TYW1: variants seen among roughly 807,000 people sequenced by gnomAD.
TYW1 encodes the protein tRNA-yW synthesizing protein 1 homolog.
In TYW1, 46 loss-of-function variants were observed where a neutral mutation model predicts 96.2. The ratio of observed to expected loss-of-function variants is 0.48; its 90% CI spans 0.38 to 0.61. TYW1 has a LOEUF of 0.61. TYW1 is among the 20% of genes least tolerant of loss of function. The probability of loss-of-function intolerance (pLI) is 0.00; values close to 1 mark genes in which losing one functional copy is unlikely to be tolerated. For missense variants in TYW1, 684 were observed against 909.6 expected (o/e 0.75, Z 3.19); for synonymous variants, 274 against 323.0 (o/e 0.85, Z 1.63).
At chr7:67,042,869 C>T (rs977032183) in intron 7 of TYW1, among the ~76,000 whole-genome samples, 4 of 151,836 alleles carry the variant, frequency 2.6e-5, no homozygotes, top group African/African-American at 4.8e-5. Context: ...TGGTGGCACA[C>T]GCCTGTAATC....
chr7:67,109,419 T>C (rs558476437), intron 12 of TYW1, among the ~76,000 whole-genome samples: 12 of 150,200 alleles, frequency 8.0e-5, no homozygotes, highest in Non-Finnish European at 1.3e-4. Flanking sequence ...ATGAGAATAC[T>C]GGCAAAAATG....
intron 3 of TYW1, among the ~76,000 whole-genome samples, chr7:66,999,344 A>G (rs1793298866): frequency 1.3e-5 from 2 of 152,196 alleles, no homozygotes; most frequent in South Asian, 4.1e-4. Context: ...CACATCACAC[A>G]TCTATGTTTA....
At chr7:67,030,427 C>T (rs1330901295) in intron 7 of TYW1, among the ~76,000 whole-genome samples, 2 of 151,844 alleles carry the variant, frequency 1.3e-5, no homozygotes, top group African/African-American at 2.4e-5. Context: ...GTCACGAGTT[C>T]GAGACCAGCC....
chr7:67,117,756 C>T lies in TYW1; in HGVS notation c.1698+138C>T, dbSNP rs766516912. On this transcript the variant is annotated intron_variant, in intron 13 of 15. Coordinates refer to ENST00000359626, the MANE Select transcript of TYW1 (RefSeq NM_018264.4). ...TAAAATAAAAAAAGATGAAATATAA[C>T]TTTCAACTTTTTAGAGACTTCCTTC... 444 of 1,282,276 alleles carry T rather than the reference C, an allele frequency of 3.5e-4. 1 individual carries two copies. The highest frequency in any genetic ancestry group is 4.4e-4 in the Non-Finnish European group (431 of 986,198). 79.4% of individuals were successfully genotyped at this position (1,282,276 alleles called of 1,614,324 possible).
Position 67,180,345 on chromosome 7 carries a change from C to G in TYW1, c.1699-2781C>G, listed in dbSNP as rs1416028617. Among the ~76,000 whole-genome samples, 40 of 111,054 alleles carry G rather than the reference C, an allele frequency of 3.6e-4. 6 individuals are homozygous for G. Among genetic ancestry groups the G allele is most frequent in the Admixed American group, 1.9e-3 (21 of 10,860 alleles). The allele number at this position is 111,054 out of a possible 152,430, so 72.9% of individuals were successfully genotyped here. ...TTGGGATTCATTCTGGCCCCCGTGT[C>G]CACATTTAACTCACTACCGTATCCT... On this transcript the variant is annotated intron_variant, in intron 13 of 15. Transcript: ENST00000359626.
chr7:67,022,458 C>G (rs6944726), intron 6 of TYW1, among the ~76,000 whole-genome samples: 1 of 151,984 alleles, frequency 6.6e-6, no homozygotes, highest in Non-Finnish European at 1.5e-5. Context: ...GTCTAATATT[C>G]TGAAATTTAT....
intron 11 of TYW1, among the ~76,000 whole-genome samples, chr7:67,093,737 C>A (rs1164906116): frequency 6.6e-6 from 1 of 152,192 alleles, no homozygotes; most frequent in Admixed American, 6.5e-5. Flanking sequence ...TACATTCTTA[C>A]AATTGCAGTT....
At chr7:67,142,436 AT>A (rs977339177) in intron 13 of TYW1, among the ~76,000 whole-genome samples, 12 of 149,624 alleles carry the variant, frequency 8.0e-5, no homozygotes, top group African/African-American at 1.2e-4. Flanking sequence ...ATTTTTTATA[AT>A]TTTTTTTTCG....
chr7:67,132,271 C>T (rs142043623), intron 13 of TYW1, among the ~76,000 whole-genome samples: 197 of 151,114 alleles, frequency 1.3e-3, no homozygotes, highest in African/African-American at 4.6e-3. Flanking sequence ...GCCACTGTGC[C>T]CGGCTAATTT....
chr7:67,192,750 G>A (rs1475595792), intron 14 of TYW1, among the ~76,000 whole-genome samples: 2 of 152,260 alleles, frequency 1.3e-5, no homozygotes, highest in Admixed American at 1.3e-4. Context: ...ATTGACATAG[G>A]GTTTTTGAGG....
intron 13 of TYW1, among the ~76,000 whole-genome samples, chr7:67,182,360 C>G (rs928847182): frequency 5.9e-5 from 9 of 151,972 alleles, no homozygotes; most frequent in Admixed American, 5.2e-4. Context: ...GCCGAGAGTT[C>G]GAGACCAGCC....
chr7:67,079,405 A>G (rs192568953), intron 10 of TYW1, among the ~76,000 whole-genome samples: 2,683 of 151,770 alleles, frequency 0.018, 38 homozygotes, highest in Admixed American at 0.046. Context: ...ACAGTTGGTT[A>G]TAACAGTCTT....
intron 10 of TYW1, among the ~76,000 whole-genome samples, chr7:67,071,619 A>ATT (rs150643764): frequency 1.5e-4 from 22 of 147,574 alleles, no homozygotes; most frequent in African/African-American, 3.5e-4. Context: ...TACCTGGCTA[A>ATT]TTTTTTTTTT....
chr7:67,082,471 G>C (rs570059082), intron 10 of TYW1, among the ~76,000 whole-genome samples: 2 of 152,312 alleles, frequency 1.3e-5, no homozygotes, highest in East Asian at 3.9e-4. Flanking sequence ...GCATGACTTT[G>C]CTAGGGGCAG....
At chr7:67,116,063 C>T (rs1167487252) in intron 12 of TYW1, among the ~76,000 whole-genome samples, 3 of 152,160 alleles carry the variant, frequency 2.0e-5, no homozygotes, top group Non-Finnish European at 2.9e-5. Flanking sequence ...CAGTGGCTCA[C>T]GCCTGTAATC....
At chr7:67,017,704 G>A in intron 5 of TYW1, 149 bp from the exon 6 acceptor site, 1 of 994,246 alleles carries the variant, frequency 1.0e-6, no homozygotes, top group Non-Finnish European at 1.5e-6. Flanking sequence ...GAGCTTGAAG[G>A]CTTGAAGGTC....
Position 67,015,054 on chromosome 7 carries a change from T to G in TYW1, c.570+493T>G, listed in dbSNP as rs1793970222. 4.7e-5 allele frequency among the ~76,000 whole-genome samples: 7 copies of G among 150,218 alleles called. No individual in the cohort carries two copies. The South Asian group carries it at 1.5e-3, about 32-fold the overall frequency. ...GTCTTGCTCTAATCCCCAGCTGGAG[T>G]GCAGTGGCGGGATCTCAGCTGACTG... On this transcript the variant is annotated intron_variant, in intron 5 of 15. Transcript: ENST00000359626.
At chr7:67,039,337 A>T (rs1794940940) in intron 7 of TYW1, among the ~76,000 whole-genome samples, 1 of 151,950 alleles carries the variant, frequency 6.6e-6, no homozygotes. Context: ...AGGCACCTGT[A>T]GTCCCAGCTA....
intron 7 of TYW1, among the ~76,000 whole-genome samples, chr7:67,046,319 G>T (rs890270615): frequency 4.6e-5 from 7 of 152,102 alleles, no homozygotes; most frequent in African/African-American, 1.7e-4. Flanking sequence ...CTGGTATCAC[G>T]CATTGGGCAC....
Sources: allele counts gnomAD v4.1 joint callset (sites outside exome capture counted in the v4.1 genomes callset), GRCh38; gene constraint gnomAD v4.1.1; transcripts MANE v1.5; gene names NCBI Gene and HGNC (gene_info 2026-07-23, HGNC 2026-07-21).